The following CHD6 variants were observed in gnomAD, a reference collection of about 807,000 sequenced individuals.
The protein encoded by CHD6 is chromodomain helicase DNA binding protein 6.
A neutral mutation model predicts 276.9 loss-of-function variants in CHD6; 50 were observed. The ratio of observed to expected loss-of-function variants is 0.18; its 90% CI spans 0.14 to 0.23. The LOEUF (loss-of-function observed/expected upper bound fraction) is 0.23, where lower values mean the gene tolerates loss of function less well. Ranked by LOEUF, CHD6 falls within the 10% of genes least tolerant of loss-of-function variation. The probability of loss-of-function intolerance (pLI) is 1.00; values close to 1 mark genes in which losing one functional copy is unlikely to be tolerated. For missense variants in CHD6, 2,564 were observed against 3,365.8 expected (o/e 0.76, Z 5.89); for synonymous variants, 1,173 against 1,229.3 (o/e 0.95, Z 0.96).
At chr20:41,548,482 C>T (rs945753699) in intron 2 of CHD6, among the ~76,000 whole-genome samples, 58 of 152,292 alleles carry the variant, frequency 3.8e-4, no homozygotes, top group African/African-American at 1.4e-3. Flanking sequence ...ACACCTTATA[C>T]AAAAATTAAT....
Position 41,452,030 on chromosome 20 carries a change from C to CA in CHD6, c.3324-6dup. On this transcript the variant is annotated splice_polypyrimidine_tract_variant and splice_region_variant and intron_variant, in intron 21 of 36. Coordinates refer to ENST00000373233, the MANE Select transcript of CHD6 (RefSeq NM_032221.5). The surrounding 1 kb of genome is among the most constrained non-coding windows in gnomAD (Gnocchi z 4.2). ...ATGTCCTTCCACCGGCCCCAGCTGA[C>CA]AGTGGACATACAGACAGGTGTTGGA... 6.2e-7 allele frequency: 1 copy of CA among 1,612,762 alleles called. No homozygotes were observed. Among genetic ancestry groups the CA allele is most frequent in the Non-Finnish European group, 8.5e-7 (1 of 1,179,028 alleles).
rs1288190349 is a variant in CHD6, at chr20:41,421,741, G to A, written c.4894C>T (p.Leu1632Phe). ...GTQAPGNLCC[L>F]YQTNSKLYES... ...TATAACTTGGAGTTGGTCTGGTAAA[G>A]GCAACAGAGATTTCCTGGTGCCTGG... Residue 1632 changes from leucine (L) to phenylalanine (F), a missense_variant, in exon 31 of 37, where the codon CTT becomes TTT. Coordinates refer to ENST00000373233, the MANE Select transcript of CHD6 (RefSeq NM_032221.5). The A allele has an allele frequency of 1.2e-6, 2 of 1,614,214 alleles. No individual in the cohort carries two copies. The highest frequency in any genetic ancestry group is 1.7e-6 in the Non-Finnish European group (2 of 1,180,046).
chr20:41,516,440 C>T (rs900371886), intron 3 of CHD6, among the ~76,000 whole-genome samples: 4 of 152,118 alleles, frequency 2.6e-5, no homozygotes, highest in Non-Finnish European at 5.9e-5. Flanking sequence ...TTCCAGAGTG[C>T]TGAGATTACA....
intron 1 of CHD6, among the ~76,000 whole-genome samples, chr20:41,579,013 C>T (rs2146226603): frequency 6.6e-6 from 1 of 150,982 alleles, no homozygotes; most frequent in East Asian, 2.0e-4. Context: ...GCCTGTGATC[C>T]CAGCTACTCG....
chr20:41,450,830 C>G, intron 23 of CHD6, 116 bp downstream of exon 23: 3 of 951,382 alleles, frequency 3.2e-6, no homozygotes, highest in Non-Finnish European at 4.8e-6. Flanking sequence ...TCCTGTCTTT[C>G]TAGACCTTGC....
chr20:41,441,944 T>G (rs957102319), intron 25 of CHD6, among the ~76,000 whole-genome samples: 4 of 152,198 alleles, frequency 2.6e-5, no homozygotes, highest in Non-Finnish European at 4.4e-5. Flanking sequence ...CCAGGCTACC[T>G]TGGAGGGGCA....
chr20:41,554,876 G>A (rs1274224997), intron 1 of CHD6, among the ~76,000 whole-genome samples: 4 of 152,188 alleles, frequency 2.6e-5, no homozygotes, highest in South Asian at 2.1e-4. Context: ...ATCATGGCCT[G>A]TTCTCAATGA....
At chr20:41,489,020 G>A (rs939542323) in intron 12 of CHD6, among the ~76,000 whole-genome samples, 1 of 152,108 alleles carries the variant, frequency 6.6e-6, no homozygotes, top group Non-Finnish European at 1.5e-5. Flanking sequence ...CTTATAATTT[G>A]AGTTCTAGCA....
intron 1 of CHD6, among the ~76,000 whole-genome samples, chr20:41,600,618 T>C (rs964514659): frequency 2.6e-5 from 4 of 152,220 alleles, no homozygotes; most frequent in Non-Finnish European, 5.9e-5. Flanking sequence ...AAGTTCTATA[T>C]ATGGCCCTCA....
chr20:41,582,607 AG>A (rs1258167044), intron 1 of CHD6, among the ~76,000 whole-genome samples: 1 of 152,240 alleles, frequency 6.6e-6, no homozygotes, highest in African/African-American at 2.4e-5. Context: ...CATATGAAAA[AG>A]CAAAAGCAGG....
chr20:41,422,188 G>A (rs1257751782), intron 30 of CHD6, 109 bp from the exon 31 acceptor site: 33 of 1,141,526 alleles, frequency 2.9e-5, no homozygotes, highest in Non-Finnish European at 3.7e-5. Flanking sequence ...TGGCTCCTCA[G>A]CATGGCAGTT....
chr20:41,533,740 C>A (rs1426516243), intron 2 of CHD6, among the ~76,000 whole-genome samples, 170 bp from the exon 3 acceptor site: 1 of 152,160 alleles, frequency 6.6e-6, no homozygotes, highest in Non-Finnish European at 1.5e-5. Context: ...ACAGGACATA[C>A]ACGGCCTTTA....
At chr20:41,551,505 G>A (rs148473728) in intron 1 of CHD6, 145 bp from the exon 2 acceptor site, 23 of 551,030 alleles carry the variant, frequency 4.2e-5, no homozygotes, top group Non-Finnish European at 6.7e-5. Context: ...CTCCAGAGCC[G>A]TAAGTGTACA....
chr20:41,476,896 A>G (rs1447374876), intron 16 of CHD6, among the ~76,000 whole-genome samples: 5 of 152,168 alleles, frequency 3.3e-5, no homozygotes, highest in Admixed American at 2.0e-4. Flanking sequence ...ACATACATCT[A>G]TACATACACA....
intron 1 of CHD6, among the ~76,000 whole-genome samples, chr20:41,578,177 A>T (rs970944513): frequency 6.6e-6 from 1 of 152,118 alleles, no homozygotes; most frequent in Non-Finnish European, 1.5e-5. Flanking sequence ...CCCCCAATGT[A>T]GCCAGAAACC....
At chr20:41,548,868 T>C (rs1443958575) in intron 2 of CHD6, among the ~76,000 whole-genome samples, 1 of 151,906 alleles carries the variant, frequency 6.6e-6, no homozygotes, top group Non-Finnish European at 1.5e-5. Context: ...AAGACATTTA[T>C]GCAGCCAAAA....
chr20:41,439,625 G>C (rs940194684), intron 26 of CHD6, among the ~76,000 whole-genome samples: 4 of 152,182 alleles, frequency 2.6e-5, no homozygotes, highest in African/African-American at 9.7e-5. Context: ...AAGTCAGGAA[G>C]GCTGTACTTG....
In CHD6 at chr20:41,611,415, G is replaced by T. The variant is rs371571818; in HGVS notation, c.-24+6925C>A. On this transcript the variant is annotated intron_variant, in intron 1 of 36. Transcript: ENST00000373233. ...CGGTCATACTAGCCACATCTTAAGG[G>T]CTTGAAAACCATCAGTGGCTAGTAG... Among the ~76,000 whole-genome samples, 126 of 152,264 alleles carry T rather than the reference G, an allele frequency of 8.3e-4. 1 individual carries two copies. Among genetic ancestry groups the T allele is most frequent in the African/African-American group, 2.9e-3 (121 of 41,552 alleles).
Position 41,433,578 on chromosome 20 carries a change from A to G in CHD6, c.4068+3696T>C, listed in dbSNP as rs531386124. The stretch of plus-strand genomic sequence containing the variant: ...AGAAAAACTAAGAGAACCGTCTGAC[A>G]GTTCTCTAGACTACCTTAAAAGAAG... On this transcript the variant is annotated intron_variant, in intron 27 of 36. Coordinates refer to ENST00000373233, the MANE Select transcript of CHD6 (RefSeq NM_032221.5). Among the ~76,000 whole-genome samples the G allele has an allele frequency of 9.2e-5, 14 of 152,292 alleles. No individual in the cohort carries two copies. The South Asian group carries it at 2.9e-3, about 32-fold the overall frequency.
Sources: allele counts gnomAD v4.1 joint callset (sites outside exome capture counted in the v4.1 genomes callset), GRCh38; gene constraint gnomAD v4.1.1; non-coding constraint Gnocchi (gnomAD v3.1); transcripts MANE v1.5; gene names NCBI Gene and HGNC (gene_info 2026-07-23, HGNC 2026-07-21).